Variants in ZNF676 observed in about 807,000 individuals in gnomAD.
ZNF676 encodes zinc finger protein 676.
A neutral mutation model predicts 6.0 loss-of-function variants in ZNF676; 4 were observed. The ratio of observed to expected loss-of-function variants is 0.67; its 90% confidence interval spans 0.33 to 1.53. The LOEUF is 1.53. Ranked by LOEUF, ZNF676 falls within the 40% of genes most tolerant of loss-of-function variation. The probability of loss-of-function intolerance (pLI) is 0.06; values close to 1 mark genes in which losing one functional copy is unlikely to be tolerated. For synonymous variants in ZNF676, 198 were observed against 223.1 expected, an observed-to-expected ratio of 0.89 and a Z score of 1.00; for missense variants, 644 against 679.7, an observed-to-expected ratio of 0.95 and a Z score of 0.58.
At chr19:22,232,169 TTTC>T in the ZNF676 span, among the ~76,000 whole-genome samples, 14 of 152,000 alleles carry the variant, frequency 9.2e-5, no homozygotes, top group African/African-American at 3.1e-4. Context: ...TTTCTTTTCT[TTTC>T]TTTTCTTTTT....
the ZNF676 span, among the ~76,000 whole-genome samples, chr19:22,236,896 C>T: frequency 1.3e-5 from 2 of 152,214 alleles, no homozygotes; most frequent in Non-Finnish European, 2.9e-5. Context: ...CCCACCTTGC[C>T]TTTGATGGTT....
At chr19:22,190,843 T>C (rs963626365) in intron 2 of ZNF676, among the ~76,000 whole-genome samples, 3 of 151,500 alleles carry the variant, frequency 2.0e-5, no homozygotes, top group African/African-American at 7.3e-5. Context: ...AAAGCAATTA[T>C]AAAGATAAAT....
At chr19:22,236,715 T>G in the ZNF676 span, among the ~76,000 whole-genome samples, 1 of 152,222 alleles carries the variant, frequency 6.6e-6, no homozygotes, top group Non-Finnish European at 1.5e-5. Flanking sequence ...TAGTCTTTTT[T>G]CCATTTGACC....
At position 22,194,290 on chromosome 19, in the gene ZNF676, T is replaced by C. The variant is rs78880255; in HGVS notation, c.35-1179A>G. Among the ~76,000 whole-genome samples the C allele has an allele frequency of 8.6e-3, 1,303 of 152,278 alleles. 18 individuals carry two copies. The highest frequency in any genetic ancestry group is 0.03 in the African/African-American group (1,234 of 41,578). On this transcript the variant is annotated intron_variant, in intron 1 of 2. Transcript: ENST00000397121. ...TGTGGCATCAGATCCCTAATGCCCCTGCTGCAGAAATGCTTACCATAATTC... is the reference window on the plus strand; with the variant it reads ...TGTGGCATCAGATCCCTAATGCCCCCGCTGCAGAAATGCTTACCATAATTC...
chr19:22,254,462 A>T, the ZNF676 span, among the ~76,000 whole-genome samples: 1 of 152,174 alleles, frequency 6.6e-6, no homozygotes, highest in Non-Finnish European at 1.5e-5. Context: ...TGAAGGAATG[A>T]TGCCCAGCTA....
At chr19:22,199,148 G>C (rs2144781948), upstream of ZNF676, among the ~76,000 whole-genome samples, 1 of 152,246 alleles carries the variant, frequency 6.6e-6, no homozygotes, top group East Asian at 1.9e-4. Flanking sequence ...GCTTATAAAT[G>C]ACTTGGTAAT....
chr19:22,242,484 G>A, the ZNF676 span, among the ~76,000 whole-genome samples: 2 of 151,922 alleles, frequency 1.3e-5, no homozygotes, highest in Non-Finnish European at 2.9e-5. Flanking sequence ...GCCTCCTGTG[G>A]ACAGGCCACA....
At chr19:22,186,345 C>T (rs2023839726) in intron 2 of ZNF676, among the ~76,000 whole-genome samples, 2 of 152,136 alleles carry the variant, frequency 1.3e-5, no homozygotes, top group Non-Finnish European at 2.9e-5. Context: ...GATTTTGTCA[C>T]CACCAGGCCT....
Position 22,205,323 on chromosome 19 carries a change from G to C in ZNF676, c.4-8597C>G, listed in dbSNP as rs547882981. On this transcript the variant is annotated intron_variant, in intron 1 of 3. Transcript: ENST00000650058. ...TAAATAGTCCTAATAGACATCTACA[G>C]AACTCTTCATCTAAAAAATACCATA... Among the ~76,000 whole-genome samples the C allele has an allele frequency of 2.0e-5, 3 of 152,074 alleles. No homozygotes were observed. The East Asian group carries it at 5.8e-4, about 29-fold the overall frequency.
At chr19:22,239,677 G>A in the ZNF676 span, among the ~76,000 whole-genome samples, 2 of 152,188 alleles carry the variant, frequency 1.3e-5, no homozygotes, top group African/African-American at 4.8e-5. Flanking sequence ...AATCTTCTGT[G>A]ACTCTCATAG....
rs1366703338 is a variant in ZNF676 at position 22,181,170 on chromosome 19, T to A, written c.547A>T (p.Thr183Ser). 5 of 1,613,876 alleles carry A rather than the reference T, an allele frequency of 3.1e-6. 1 individual carries two copies. In the South Asian group the frequency reaches 5.5e-5, roughly 18 times the overall value. Reference protein sequence around the residue: ...ENGKAFNWSSTLTYYKSIHTG... With the variant: ...ENGKAFNWSSSLTYYKSIHTG... ...TGAATACTCTTATAATAAGTAAGGGTTGAGGACCAGTTAAAAGCTTTGCCA... is the reference window on the plus strand; with the variant it reads ...TGAATACTCTTATAATAAGTAAGGGATGAGGACCAGTTAAAAGCTTTGCCA... Residue 183 changes from threonine to serine, a missense_variant, in exon 3 of 3, where the codon ACC becomes TCC. By Grantham distance (58) the Thr-to-Ser change is moderately conservative (BLOSUM62 1). This residue lies in a region of ZNF676 where 280 missense variants were observed against 269.3 expected (regional missense o/e 1.04). Coordinates refer to ENST00000397121, the MANE Select transcript of ZNF676 (RefSeq NM_001001411.3).
chr19:22,198,345 T>C (rs1455408511), upstream of ZNF676, among the ~76,000 whole-genome samples: 5 of 152,126 alleles, frequency 3.3e-5, no homozygotes, highest in African/African-American at 9.7e-5. Context: ...GAAAAAAATA[T>C]ATTTTTCAGA....
At position 22,180,457 on chromosome 19, in the gene ZNF676, G is replaced by A; in HGVS notation, c.1260C>T (p.Pro420=). 6.2e-7 allele frequency: 1 copy of A among 1,612,160 alleles called. No homozygotes were observed. The highest frequency in any genetic ancestry group is 8.5e-7 in the Non-Finnish European group (1 of 1,179,686). ...CTTTGCCACATTCTTCACACTTGTA[G>A]GGTTTCTCTCCAGTATGAATTCTCT... The part of the protein sequence containing the change: ...EHKRIHTGEK[P]YKCEECGKAF... Residue 420 remains proline (P), a synonymous_variant, in exon 3 of 3, where the codon CCC becomes CCT. Coordinates refer to ENST00000397121, the MANE Select transcript of ZNF676 (RefSeq NM_001001411.3).
upstream of ZNF676, chr19:22,215,806 C>CCA (rs2024181219): frequency 6.8e-6 from 4 of 590,990 alleles, no homozygotes; most frequent in Admixed American, 6.6e-5. Context: ...GTCCCCCCCC[C>CCA]CAGCTGCCTG....
chr19:22,205,901 T>C (rs1235631214), intron 1 of ZNF676, among the ~76,000 whole-genome samples: 1 of 151,532 alleles, frequency 6.6e-6, no homozygotes, highest in African/African-American at 2.4e-5. Flanking sequence ...AAATAAACTA[T>C]GAGCTAGATT....
intron 1 of ZNF676, 144 bp downstream of exon 1, chr19:22,196,456 A>G: frequency 6.9e-7 from 1 of 1,445,410 alleles, no homozygotes; most frequent in Non-Finnish European, 9.5e-7. Flanking sequence ...AGAAGCAAGG[A>G]GTCCACGACC....
Position 22,179,859 on chromosome 19 carries a change from T to G in ZNF676, c.*91A>C. ...ACTGTTTAAAAGCTTTGCCACATTC[T>G]TCACCTTTGTAGATTTTCTCTCCAG... On this transcript the variant is annotated 3_prime_UTR_variant, in exon 3 of 3. Transcript: ENST00000397121. 1 of 1,417,140 alleles carries G rather than the reference T, an allele frequency of 7.1e-7. No homozygotes were observed. The highest frequency in any genetic ancestry group is 9.9e-7 in the Non-Finnish European group (1 of 1,013,304). 87.8% of individuals were successfully genotyped at this position (1,417,140 alleles called of 1,614,324 possible).
chr19:22,195,956 C>A (rs2023962308), intron 1 of ZNF676, among the ~76,000 whole-genome samples: 1 of 152,192 alleles, frequency 6.6e-6, no homozygotes, highest in South Asian at 2.1e-4. Context: ...TTGGACCTAT[C>A]TAAAGCACCA....
At chr19:22,238,992 C>A in the ZNF676 span, among the ~76,000 whole-genome samples, 2 of 152,134 alleles carry the variant, frequency 1.3e-5, no homozygotes, top group Admixed American at 6.5e-5. Flanking sequence ...ACAGACACAT[C>A]CAGGATTAAT....
Sources: gnomAD v4.1 joint callset for allele counts (sites outside exome capture counted in the v4.1 genomes callset) on GRCh38, gnomAD v4.1.1 for gene constraint, gnomAD v4.1.1 regional missense constraint, MANE v1.5 for transcripts, NCBI Gene and HGNC (gene_info 2026-07-23, HGNC 2026-07-21) for gene names.